Variants in PARP4 observed in about 807,000 individuals in gnomAD.
PARP4 encodes the protein poly(ADP-ribose) polymerase family member 4.
Under a neutral mutation model 187.7 loss-of-function variants are expected in PARP4, and 120 were observed. The ratio of observed to expected loss-of-function variants is 0.64; its 90% confidence interval spans 0.55 to 0.74. PARP4 has a LOEUF of 0.74. Among genes scored for constraint, PARP4 ranks in the 30% least tolerant of loss-of-function variants. PARP4 has a pLI of 0.00. For missense variants in PARP4, 1,836 were observed against 2,070.5 expected (o/e 0.89, Z 2.20); for synonymous variants, 654 against 740.9 (o/e 0.88, Z 1.90).
intron 30 of PARP4, among the ~76,000 whole-genome samples, chr13:24,438,672 G>A (rs1411584419): frequency 6.6e-6 from 1 of 152,212 alleles, no homozygotes; most frequent in Non-Finnish European, 1.5e-5. Flanking sequence ...CGTGGCTGTG[G>A]GAGGACAAGA....
chr13:24,498,061 A>G, intron 6 of PARP4, 55 bp downstream of exon 6: 1 of 1,247,314 alleles, frequency 8.0e-7, no homozygotes. Context: ...ATTCATTGAA[A>G]TGAGTTATGA....
chr13:24,466,970 T>C (rs9511289), intron 17 of PARP4, among the ~76,000 whole-genome samples: 56,503 of 151,910 alleles, frequency 0.37, 10,826 homozygotes, highest in Middle Eastern at 0.43. Flanking sequence ...AGATCAATAA[T>C]TGTATTAAAT....
Position 24,435,023 on chromosome 13 carries a change from C to T in PARP4, c.4118G>A (p.Cys1373Tyr), listed in dbSNP as rs1301893594. Residue 1373 changes from cysteine (C) to tyrosine (Y), a missense_variant, in exon 31 of 34, where the codon TGT (cysteine) becomes TAT (tyrosine). This residue lies in a region of PARP4 where 450 missense variants were observed against 439.2 expected (regional missense o/e 1.02). Transcript: ENST00000381989. ...QFSQGPVPGT[C>Y]ADWIPQSASC... is the part of the protein sequence containing the mutation. ...CGCCGACTGTGGGATCCAGTCAGCA[C>T]AAGTGCCAGGCACAGGGCCTTGGCT... is the stretch of plus-strand genomic sequence containing the variant. 1 of 1,613,842 alleles carries T rather than the reference C, an allele frequency of 6.2e-7. No individual in the cohort carries two copies. Among genetic ancestry groups the T allele is most frequent in the Non-Finnish European group, 8.5e-7 (1 of 1,180,046 alleles).
chr13:24,510,396 TACAA>T (rs1869938426), intron 1 of PARP4, among the ~76,000 whole-genome samples: 1 of 151,672 alleles, frequency 6.6e-6, no homozygotes, highest in African/African-American at 2.4e-5. Context: ...CTACTAAAAA[TACAA>T]AAAATTAGCC....
At chr13:24,433,959 C>T (rs532168394) in intron 31 of PARP4, among the ~76,000 whole-genome samples, 6 of 152,248 alleles carry the variant, frequency 3.9e-5, no homozygotes, top group African/African-American at 1.4e-4. Flanking sequence ...TGAATAATAT[C>T]TGTATTCCCA....
chr13:24,432,387 A>T (rs7981211), intron 31 of PARP4, among the ~76,000 whole-genome samples: 142,623 of 152,100 alleles, frequency 0.94, 67,011 homozygotes, highest in East Asian at 0.99. Flanking sequence ...TTGAAATATG[A>T]TTGACATACA....
chr13:24,453,727 T>C, intron 22 of PARP4, 73 bp from the exon 23 acceptor site: 1 of 819,786 alleles, frequency 1.2e-6, no homozygotes, highest in South Asian at 1.4e-5. Context: ...ACAATAATGT[T>C]ATTTCATACC....
chr13:24,457,966 C>A (rs1402216867), intron 20 of PARP4, among the ~76,000 whole-genome samples: 1 of 151,810 alleles, frequency 6.6e-6, no homozygotes. Context: ...GAAGTTCCTG[C>A]AGAATTCTAA....
At chr13:24,456,582 C>G in intron 20 of PARP4, 104 bp from the exon 21 acceptor site, 2 of 1,032,768 alleles carry the variant, frequency 1.9e-6, no homozygotes, top group Non-Finnish European at 2.7e-6. Flanking sequence ...GCTTACATAA[C>G]TCTATTAAGA....
chr13:24,483,734 C>A (rs1234413040), intron 12 of PARP4, among the ~76,000 whole-genome samples: 1 of 152,000 alleles, frequency 6.6e-6, no homozygotes, highest in East Asian at 2.0e-4. Flanking sequence ...TCAAGCCAGT[C>A]TCCTGCCTCA....
At chr13:24,459,564 C>G in intron 18 of PARP4, 1 of 415,240 alleles carries the variant, frequency 2.4e-6, no homozygotes, top group Non-Finnish European at 4.3e-6. Flanking sequence ...CACACACACA[C>G]ACATTTTATA....
rs192297339 is a variant in PARP4 at position 24,467,320 on chromosome 13, C to T, written c.2133+1704G>A. On this transcript the variant is annotated intron_variant, in intron 17 of 33. Coordinates refer to ENST00000381989, the MANE Select transcript of PARP4 (RefSeq NM_006437.4). Reference sequence around the variant, plus strand: ...ATTACGAGCTAGACCTCTATCTTTACAAACAGTATATTAAGAGTTATAAGA... The same window carrying T: ...ATTACGAGCTAGACCTCTATCTTTATAAACAGTATATTAAGAGTTATAAGA... Among the ~76,000 whole-genome samples, 3 of 152,290 alleles carry T rather than the reference C, an allele frequency of 2.0e-5. No individual in the cohort carries two copies. In the East Asian group the frequency reaches 5.8e-4, roughly 29 times the overall value.
At chr13:24,508,144 T>C (rs1028960271) in intron 1 of PARP4, among the ~76,000 whole-genome samples, 1 of 152,094 alleles carries the variant, frequency 6.6e-6, no homozygotes, top group African/African-American at 2.4e-5. Flanking sequence ...TTTAGGTTAA[T>C]CTATGCTAGT....
intron 16 of PARP4, among the ~76,000 whole-genome samples, chr13:24,469,465 GAATT>G (rs1314834758): frequency 6.6e-6 from 1 of 152,102 alleles, no homozygotes; most frequent in Non-Finnish European, 1.5e-5. Context: ...AATAAACAAA[GAATT>G]AATCAACTGT....
At chr13:24,432,359 TA>T in intron 31 of PARP4, among the ~76,000 whole-genome samples, 1 of 152,088 alleles carries the variant, frequency 6.6e-6, no homozygotes, top group South Asian at 2.1e-4. Flanking sequence ...ATTCCCTCTT[TA>T]AAAAAAACCC....
At chr13:24,430,473 C>A (rs1479427637) in intron 32 of PARP4, among the ~76,000 whole-genome samples, 1 of 151,958 alleles carries the variant, frequency 6.6e-6, no homozygotes, top group Non-Finnish European at 1.5e-5. Context: ...GACAACATGG[C>A]AAAACCCCAT....
At chr13:24,459,401 T>C (rs1445835671) in intron 18 of PARP4, 91 bp from the exon 19 acceptor site, 1 of 1,203,296 alleles carries the variant, frequency 8.3e-7, no homozygotes. Flanking sequence ...AGGCCACAAC[T>C]GTCAGCAAGA....
intron 24 of PARP4, among the ~76,000 whole-genome samples, chr13:24,451,551 C>A (rs1285061601): frequency 3.3e-5 from 5 of 152,050 alleles, no homozygotes; most frequent in African/African-American, 1.2e-4. Flanking sequence ...GAGCTCAGGG[C>A]GAGTCCAGGT....
Position 24,446,877 on chromosome 13 carries a change from C to T in PARP4, c.3286-116G>A, listed in dbSNP as rs1268092801. On this transcript the variant is annotated intron_variant, in intron 26 of 33. Coordinates refer to ENST00000381989, the MANE Select transcript of PARP4 (RefSeq NM_006437.4). Reference sequence around the variant, plus strand: ...CCTTTCAATAAAAACTAGAAGCCTCCCCAAAGCCCTGGCTAACCACCAGCT... The same window carrying T: ...CCTTTCAATAAAAACTAGAAGCCTCTCCAAAGCCCTGGCTAACCACCAGCT... The T allele has an allele frequency of 1.5e-5, 21 of 1,391,274 alleles. No homozygotes were observed. The East Asian group carries it at 1.6e-4, about 11-fold the overall frequency. The allele number at this position is 1,391,274 out of a possible 1,614,324, so 86.2% of individuals were successfully genotyped here.
Sources: allele counts gnomAD v4.1 joint callset (sites outside exome capture counted in the v4.1 genomes callset), GRCh38; gene constraint gnomAD v4.1.1; regional missense constraint gnomAD v4.1.1; transcripts MANE v1.5; gene names NCBI Gene and HGNC (gene_info 2026-07-23, HGNC 2026-07-21).